Variants in MCTP1 observed in about 807,000 individuals in gnomAD.
MCTP1 encodes multiple C2 and transmembrane domain containing 1.
MCTP1 carries 69 observed loss-of-function variants against 120.6 expected under a neutral mutation model. That is an observed-to-expected ratio of 0.57 (90% confidence interval 0.47 to 0.70). The LOEUF (loss-of-function observed/expected upper bound fraction) is 0.70. Among genes scored for constraint, MCTP1 ranks in the 30% least tolerant of loss-of-function variants. The probability of loss-of-function intolerance (pLI) is 0.00; values close to 1 mark genes in which losing one functional copy is unlikely to be tolerated. For missense variants in MCTP1, 1,203 were observed against 1,248.8 expected, an observed-to-expected ratio of 0.96 and a Z score of 0.55; for synonymous variants, 529 against 493.1, an observed-to-expected ratio of 1.07 and a Z score of -0.96.
At chr5:94,794,657 GA>G (rs1353763631) in intron 18 of MCTP1, among the ~76,000 whole-genome samples, 2 of 152,074 alleles carry the variant, frequency 1.3e-5, no homozygotes, top group Non-Finnish European at 2.9e-5. Context: ...GTAAAATGGG[GA>G]AAAAACTATT....
At chr5:94,833,183 G>C (rs1317053378) in intron 17 of MCTP1, among the ~76,000 whole-genome samples, 1 of 151,910 alleles carries the variant, frequency 6.6e-6, no homozygotes, top group Non-Finnish European at 1.5e-5. Flanking sequence ...TATTGAATCA[G>C]GTCAATAAGT....
chr5:95,029,049 T>C (rs1214988108), intron 1 of MCTP1, among the ~76,000 whole-genome samples: 1 of 150,570 alleles, frequency 6.6e-6, no homozygotes, highest in Non-Finnish European at 1.5e-5. Context: ...ATCCCAGGTA[T>C]ACGGGAGACT....
At chr5:94,797,676 A>G (rs1475176560) in intron 18 of MCTP1, among the ~76,000 whole-genome samples, 1 of 152,168 alleles carries the variant, frequency 6.6e-6, no homozygotes, top group African/African-American at 2.4e-5. Flanking sequence ...GATATACATT[A>G]CAAAGAAGGT....
At chr5:95,202,148 G>A (rs1014917271) in intron 1 of MCTP1, among the ~76,000 whole-genome samples, 1 of 152,100 alleles carries the variant, frequency 6.6e-6, no homozygotes, top group Non-Finnish European at 1.5e-5. Flanking sequence ...CAGCTGGCTC[G>A]GGGCTCAGGT....
intron 1 of MCTP1, among the ~76,000 whole-genome samples, chr5:95,224,506 CTTTTTT>C (rs11324947): frequency 1.8e-5 from 2 of 111,386 alleles, no homozygotes; most frequent in Admixed American, 9.1e-5. Context: ...CACAGACTGT[CTTTTTT>C]TTTTTTTTTT....
chr5:94,835,579 T>C (rs1267139740), intron 17 of MCTP1, among the ~76,000 whole-genome samples: 1 of 152,214 alleles, frequency 6.6e-6, no homozygotes, highest in Non-Finnish European at 1.5e-5. Flanking sequence ...TAGTGGCTGA[T>C]TCATAATACG....
rs547911650 is a variant in MCTP1 at position 95,069,425 on chromosome 5, C to A, written c.721-51941G>T. Among the ~76,000 whole-genome samples the A allele has an allele frequency of 5.4e-5, 8 of 149,094 alleles. 1 individual carries two copies. The South Asian group carries it at 1.7e-3, about 32-fold the overall frequency. Reference sequence around the variant, plus strand: ...TTACAAGCACCTTTCCTTTGTCAACCCAGCCTTTGGGAGCATAGCATTTTT... The same window carrying A: ...TTACAAGCACCTTTCCTTTGTCAACACAGCCTTTGGGAGCATAGCATTTTT... On this transcript the variant is annotated intron_variant, in intron 1 of 22. Transcript: ENST00000515393.
At chr5:94,725,349 C>T (rs1032086523) in intron 19 of MCTP1, among the ~76,000 whole-genome samples, 2 of 152,178 alleles carry the variant, frequency 1.3e-5, no homozygotes, top group African/African-American at 4.8e-5. Context: ...TGGAATTTCT[C>T]CTGCTCTTTC....
At chr5:95,168,941 A>T (rs1365238811) in intron 1 of MCTP1, among the ~76,000 whole-genome samples, 1 of 152,098 alleles carries the variant, frequency 6.6e-6, no homozygotes, top group Non-Finnish European at 1.5e-5. Context: ...TATGTTGAAT[A>T]GGAGTGGTGA....
At chr5:94,855,601 T>A (rs998541583) in intron 17 of MCTP1, among the ~76,000 whole-genome samples, 1 of 151,720 alleles carries the variant, frequency 6.6e-6, no homozygotes, top group African/African-American at 2.4e-5. Context: ...TACAGATATA[T>A]CTCATTCATT....
At chr5:95,273,220 T>C (rs1431057083) in intron 1 of MCTP1, among the ~76,000 whole-genome samples, 1 of 152,246 alleles carries the variant, frequency 6.6e-6, no homozygotes, top group Non-Finnish European at 1.5e-5. Context: ...ACTATCAAAA[T>C]AGCGAAATTA....
chr5:94,977,783 T>C (rs1265160155), intron 2 of MCTP1, among the ~76,000 whole-genome samples: 3 of 152,132 alleles, frequency 2.0e-5, no homozygotes, highest in African/African-American at 4.8e-5. Flanking sequence ...TGGACTCTTA[T>C]CTTACCCCAT....
chr5:95,015,139 T>G (rs1836847632), intron 2 of MCTP1, among the ~76,000 whole-genome samples: 1 of 152,132 alleles, frequency 6.6e-6, no homozygotes, highest in Non-Finnish European at 1.5e-5. Context: ...TATTATAACT[T>G]TTATATGCAC....
intron 1 of MCTP1, among the ~76,000 whole-genome samples, chr5:95,168,860 T>A (rs1372451812): frequency 6.6e-6 from 1 of 152,168 alleles, no homozygotes; most frequent in African/African-American, 2.4e-5. Context: ...CAATTTGACT[T>A]CCTCTTTTCC....
At chr5:94,729,277 G>T (rs1762681046) in intron 19 of MCTP1, among the ~76,000 whole-genome samples, 1 of 152,180 alleles carries the variant, frequency 6.6e-6, no homozygotes, top group African/African-American at 2.4e-5. Flanking sequence ...CACTAGCAGA[G>T]GGACGTTACT....
intron 17 of MCTP1, among the ~76,000 whole-genome samples, chr5:94,848,606 A>G (rs980715533): frequency 6.6e-6 from 1 of 152,110 alleles, no homozygotes; most frequent in Non-Finnish European, 1.5e-5. Context: ...AATAACAGAC[A>G]TAAGTTCCTT....
intron 17 of MCTP1, among the ~76,000 whole-genome samples, chr5:94,857,319 C>G (rs1429428375): frequency 1.3e-5 from 2 of 151,708 alleles, no homozygotes; most frequent in African/African-American, 4.8e-5. Flanking sequence ...TTTCCTGTCA[C>G]TGGCTCTGGT....
chr5:95,028,197 A>C (rs1839637876), intron 1 of MCTP1, among the ~76,000 whole-genome samples: 1 of 152,148 alleles, frequency 6.6e-6, no homozygotes, highest in Admixed American at 6.6e-5. Flanking sequence ...AGTGAAAGGG[A>C]GTGCTATTAA....
intron 1 of MCTP1, among the ~76,000 whole-genome samples, chr5:95,043,502 T>C (rs1842680137): frequency 6.6e-6 from 1 of 152,168 alleles, no homozygotes; most frequent in Admixed American, 6.6e-5. Context: ...TAGCCTTTTT[T>C]CCTTCTCTTT....
Sources: gnomAD v4.1 joint callset for allele counts (sites outside exome capture counted in the v4.1 genomes callset) on GRCh38, gnomAD v4.1.1 for gene constraint, MANE v1.5 for transcripts, NCBI Gene and HGNC (gene_info 2026-07-23, HGNC 2026-07-21) for gene names.